ALOX12: variants seen among roughly 807,000 people sequenced by gnomAD.
ALOX12 encodes the protein polyunsaturated fatty acid lipoxygenase ALOX12.
A neutral mutation model predicts 85.5 loss-of-function variants in ALOX12; 62 were observed. The observed-to-expected ratio is 0.73, with a 90% CI of 0.59 to 0.90. ALOX12 has a LOEUF of 0.90. Ranked by LOEUF, ALOX12 falls within the 40% of genes least tolerant of loss-of-function variation. The probability of loss-of-function intolerance (pLI) is 0.00; values close to 1 mark genes in which losing one functional copy is unlikely to be tolerated. For synonymous variants in ALOX12, 299 were observed against 332.7 expected (o/e 0.90, Z 1.10); for missense variants, 751 against 856.5 (o/e 0.88, Z 1.54).
At position 7,009,802 on chromosome 17, in the gene ALOX12, C is replaced by T. The variant is rs151263719; in HGVS notation, c.1596C>T (p.Cys532=). 187 of 1,614,222 alleles carry T rather than the reference C, an allele frequency of 1.2e-4. No homozygotes were observed. The highest frequency in any genetic ancestry group is 2.5e-4 in the African/African-American group (19 of 75,046). Residue 532 remains cysteine, a synonymous_variant, in exon 12 of 14, where the codon TGC becomes TGT. Coordinates refer to ENST00000251535, the MANE Select transcript of ALOX12 (RefSeq NM_000697.3). ...QSQLCHFLTM[C]VFTCTAQHAA... The stretch of plus-strand genomic sequence containing the variant: ...AACTCTGCCATTTCCTCACCATGTG[C>T]GTCTTCACGTGCACTGCCCAGCATG...
intron 10 of ALOX12, 58 bp from the exon 11 acceptor site, chr17:7,006,428 G>C (rs1472040471): frequency 6.2e-7 from 1 of 1,609,662 alleles, no homozygotes; most frequent in East Asian, 2.2e-5. Flanking sequence ...CACAGAAAGA[G>C]GAATAGAGGT....
intron 11 of ALOX12, 100 bp from the exon 12 acceptor site, chr17:7,009,647 A>G: frequency 9.6e-7 from 1 of 1,037,714 alleles, no homozygotes; most frequent in Non-Finnish European, 1.5e-6. Flanking sequence ...AATAAAATAA[A>G]CAAATTCATC....
rs1456080413 is a variant in ALOX12, at chr17:7,006,560, G to A, written c.1493G>A (p.Trp498Ter). 1 of 1,613,174 alleles carries A rather than the reference G, an allele frequency of 6.2e-7. No homozygotes were observed. Among genetic ancestry groups the A allele is most frequent in the African/African-American group, 1.3e-5 (1 of 74,858 alleles). Residue 498 changes from tryptophan to a stop codon, truncating the protein, a stop_gained, in exon 11 of 14, where the codon TGG (tryptophan) becomes TAG (stop). Transcript: ENST00000251535. LOFTEE classifies it high-confidence loss of function. Reference protein sequence around the residue: ...IVKGDPELQAWCREITEVGLC... With the variant: ...IVKGDPELQA ...AAGGGGGACCCTGAGCTGCAGGCCTGGTGTCGGGAGATCACGGAGGTGGGG... is the reference window on the plus strand; with the variant it reads ...AAGGGGGACCCTGAGCTGCAGGCCTAGTGTCGGGAGATCACGGAGGTGGGG...
chr17:7,004,102 T>A (rs1379700859), intron 8 of ALOX12, among the ~76,000 whole-genome samples: 1 of 125,612 alleles, frequency 8.0e-6, no homozygotes, highest in African/African-American at 2.7e-5. Flanking sequence ...TAATTTAATA[T>A]TAAATTAAAA....
rs11571352 is a variant in ALOX12, at chr17:7,009,727, G to A, written c.1541-20G>A. 3.5e-3 allele frequency: 5,568 copies of A among 1,601,332 alleles called. 174 individuals are homozygous for A. The African/African-American group carries it at 0.065, about 19-fold the overall frequency. ...TCCTCTTATGCTGTAGCTTCTAACT[G>A]CTATTCCTTTCCTGCCCAGGTTTCC... On this transcript the variant is annotated intron_variant, in intron 11 of 13. Coordinates refer to ENST00000251535, the MANE Select transcript of ALOX12 (RefSeq NM_000697.3).
At chr17:7,008,739 C>G (rs1909217302) in intron 11 of ALOX12, among the ~76,000 whole-genome samples, 1 of 148,622 alleles carries the variant, frequency 6.7e-6, no homozygotes, top group Non-Finnish European at 1.5e-5. Flanking sequence ...GAGCAAGACT[C>G]CGTCTCAAAA....
chr17:7,005,898 G>C lies in ALOX12; in HGVS notation c.1289G>C (p.Arg430Pro). ...TGGGGHVQLL[R>P]RAAAQLTYCS... The stretch of plus-strand genomic sequence containing the variant: ...GGAGGGGGCCATGTACAGTTGCTCC[G>C]TCGGGCGGCAGCTCAGCTGACCTAC... Residue 430 changes from arginine (R) to proline (P), a missense_variant, in exon 10 of 14, where the codon CGT becomes CCT. Coordinates refer to ENST00000251535, the MANE Select transcript of ALOX12 (RefSeq NM_000697.3). 6.2e-7 allele frequency: 1 copy of C among 1,613,466 alleles called. No homozygotes were observed. Among genetic ancestry groups the C allele is most frequent in the Non-Finnish European group, 8.5e-7 (1 of 1,179,922 alleles).
At chr17:7,006,247 G>A (rs1432260030) in intron 10 of ALOX12, among the ~76,000 whole-genome samples, 1 of 151,722 alleles carries the variant, frequency 6.6e-6, no homozygotes, top group Non-Finnish European at 1.5e-5. Context: ...GGGGAGACTG[G>A]GGGAGGTGTC....
chr17:7,007,195 C>G (rs1909129993), intron 11 of ALOX12, among the ~76,000 whole-genome samples: 3 of 152,158 alleles, frequency 2.0e-5, no homozygotes, highest in Admixed American at 2.0e-4. Flanking sequence ...TTGGCTAATC[C>G]AACTCTTCCA....
At chr17:7,004,752 T>C (rs1316694983) in intron 8 of ALOX12, among the ~76,000 whole-genome samples, 1 of 152,050 alleles carries the variant, frequency 6.6e-6, no homozygotes, top group African/African-American at 2.4e-5. Context: ...AAGATGGAGA[T>C]GCAGCTTTGA....
intron 8 of ALOX12, among the ~76,000 whole-genome samples, chr17:7,003,170 C>T (rs1177529410): frequency 2.0e-5 from 3 of 152,214 alleles, no homozygotes; most frequent in Non-Finnish European, 4.4e-5. Flanking sequence ...CAGTCCTCTC[C>T]GTGTCTCCAC....
intron 7 of ALOX12, chr17:7,001,296 T>C (rs779420384): frequency 5.0e-6 from 2 of 396,488 alleles, no homozygotes; most frequent in African/African-American, 4.1e-5. Flanking sequence ...CTGTCAATAA[T>C]CTTACACCTC....
chr17:7,002,525 C>T (rs1245024228), intron 8 of ALOX12: 3 of 468,826 alleles, frequency 6.4e-6, no homozygotes, highest in Admixed American at 4.7e-5. Flanking sequence ...TGGTGGTTCA[C>T]GCCTGTAATC....
chr17:7,010,583 A>G lies in ALOX12; in HGVS notation c.*160A>G. 1 of 863,230 alleles carries G rather than the reference A, an allele frequency of 1.2e-6. No homozygotes were observed. The highest frequency in any genetic ancestry group is 1.7e-6 in the Non-Finnish European group (1 of 588,594). The allele number at this position is 863,230 out of a possible 1,614,324, so 53.5% of individuals were successfully genotyped here. A position where few individuals can be genotyped will look rare whatever the true frequency, so the allele number is the denominator to read the frequency against. ...ATCCCACTAGCCCAGGGGAGCAGTAAACTTTCTCTGCAAAGACTAGATCCT... is the reference window on the plus strand; with the variant it reads ...ATCCCACTAGCCCAGGGGAGCAGTAGACTTTCTCTGCAAAGACTAGATCCT... On this transcript the variant is annotated 3_prime_UTR_variant, in exon 14 of 14. Transcript: ENST00000251535.
rs1908680896 is a variant in ALOX12 at position 7,000,994 on chromosome 17, T to A, written c.951+515T>A. The A allele has an allele frequency of 1.9e-5, 3 of 154,810 alleles. No individual in the cohort carries two copies. The highest frequency in any genetic ancestry group is 1.4e-5 in the Non-Finnish European group (1 of 70,188). 9.6% of individuals were successfully genotyped at this position (154,810 alleles called of 1,614,324 possible). A position where few individuals can be genotyped will look rare whatever the true frequency, so the allele number is the denominator to read the frequency against. ...CAGAATCTCACTGTGTCACTCAGGC[T>A]GGAATACAGTTGTGTGATCTTGGCT... On this transcript the variant is annotated intron_variant, in intron 7 of 13. Coordinates refer to ENST00000251535, the MANE Select transcript of ALOX12 (RefSeq NM_000697.3). The surrounding 1 kb of genome is among the most constrained non-coding windows in gnomAD (Gnocchi z 4.6).
chr17:7,000,804 T>C lies in ALOX12; in HGVS notation c.951+325T>C, dbSNP rs1908670809. Among the ~76,000 whole-genome samples, 1 of 152,160 alleles carries C rather than the reference T, an allele frequency of 6.6e-6. No homozygotes were observed. Among genetic ancestry groups the C allele is most frequent in the South Asian group, 2.1e-4 (1 of 4,832 alleles). ...ACTTTCTGATTCAGTATGTCTGGGG[T>C]GGGAACTAAGAGTTTGCGTTTTTAT... On this transcript the variant is annotated intron_variant, in intron 7 of 13. Transcript: ENST00000251535. The surrounding 1 kb of genome is among the most constrained non-coding windows in gnomAD (Gnocchi z 4.6).
Position 6,998,802 on chromosome 17 carries a change from G to A in ALOX12, c.507G>A (p.Glu169=). Residue 169 remains glutamate (E), a synonymous_variant, in exon 4 of 14, where the codon GAG becomes GAA. Coordinates refer to ENST00000251535, the MANE Select transcript of ALOX12 (RefSeq NM_000697.3). ...CTCCAAATATGAGATTCCATGAGGA[G>A]AAGAGGCTGGACTTTGAATGGACAC... The part of the protein sequence containing the change: ...DLPPNMRFHE[E]KRLDFEWTLK... 6.2e-7 allele frequency: 1 copy of A among 1,614,204 alleles called. No individual in the cohort carries two copies. The highest frequency in any genetic ancestry group is 8.5e-7 in the Non-Finnish European group (1 of 1,180,032).
chr17:7,006,059 C>CGGGGGGGGGGGG lies in ALOX12; in HGVS notation c.1418+32_1418+33insGGGGGGGGGGGG, dbSNP rs1491546294. On this transcript the variant is annotated intron_variant, in intron 10 of 13. Coordinates refer to ENST00000251535, the MANE Select transcript of ALOX12 (RefSeq NM_000697.3). The stretch of plus-strand genomic sequence containing the variant: ...AAGGAGGAGCTGAGAAATGGTGGGG[C>CGGGGGGGGGGGG]CGGGGGGGGGGGGGGCTCTGGCCTG... 1.3e-4 allele frequency: 18 copies of CGGGGGGGGGGGG among 135,676 alleles called. 3 individuals are homozygous for CGGGGGGGGGGGG. The highest frequency in any genetic ancestry group is 2.1e-3 in the Middle Eastern group (1 of 466). 8.4% of individuals were successfully genotyped at this position (135,676 alleles called of 1,614,324 possible).
chr17:6,997,749 A>G (rs1908522655), intron 2 of ALOX12, among the ~76,000 whole-genome samples: 1 of 151,532 alleles, frequency 6.6e-6, no homozygotes, highest in African/African-American at 2.4e-5. Context: ...TTTAGTAGAG[A>G]TGGAGTTTCA....
Sources: gnomAD v4.1 joint callset for allele counts (sites outside exome capture counted in the v4.1 genomes callset) on GRCh38, gnomAD v4.1.1 for gene constraint, Gnocchi (gnomAD v3.1) non-coding constraint, MANE v1.5 for transcripts, NCBI Gene and HGNC (gene_info 2026-07-23, HGNC 2026-07-21) for gene names.